The following KANK1 variants were observed in gnomAD, a reference collection of about 807,000 sequenced individuals.
KANK1 encodes KN motif and ankyrin repeat domain-containing protein 1.
A neutral mutation model predicts 106.2 loss-of-function variants in KANK1; 109 were observed. The ratio of observed to expected loss-of-function variants is 1.03; its 90% CI spans 0.88 to 1.20. The LOEUF is 1.20. Among genes scored for constraint, KANK1 ranks in the 50% most tolerant of loss-of-function variants. KANK1 has a pLI of 0.00. For synonymous variants in KANK1, 873 were observed against 652.2 expected (o/e 1.34, Z -5.16); for missense variants, 2,399 against 1,710.7 (o/e 1.40, Z -7.10).
At chr9:545,330 A>G (rs1195474502) in intron 1 of KANK1, among the ~76,000 whole-genome samples, 1 of 152,220 alleles carries the variant, frequency 6.6e-6, no homozygotes, top group Non-Finnish European at 1.5e-5. Context: ...AAGCATCTAC[A>G]GATCATTGAA....
At chr9:489,890 C>G (rs1166752855) in intron 3 of KANK1, among the ~76,000 whole-genome samples, 1 of 152,142 alleles carries the variant, frequency 6.6e-6, no homozygotes, top group Non-Finnish European at 1.5e-5. Flanking sequence ...AGATTGAATG[C>G]TGACCTTGTA....
chr9:559,668 GACAA>G (rs1815863408), intron 1 of KANK1, among the ~76,000 whole-genome samples: 1 of 152,322 alleles, frequency 6.6e-6, no homozygotes, highest in East Asian at 1.9e-4. Context: ...AGACGGAAAA[GACAA>G]ACAGATATTT....
intron 2 of KANK1, among the ~76,000 whole-genome samples, chr9:704,526 C>T (rs775184964): frequency 5.3e-5 from 8 of 152,144 alleles, no homozygotes; most frequent in Non-Finnish European, 1.0e-4. Context: ...CTTTTATTTG[C>T]CCCTATTAGT....
chr9:704,284 G>C (rs1034517279), intron 2 of KANK1, among the ~76,000 whole-genome samples: 4 of 152,116 alleles, frequency 2.6e-5, no homozygotes, highest in African/African-American at 4.8e-5. Flanking sequence ...AAATGTTATA[G>C]TAGCTCTGAT....
At chr9:583,441 A>C (rs1272959169) in intron 1 of KANK1, among the ~76,000 whole-genome samples, 1 of 152,112 alleles carries the variant, frequency 6.6e-6, no homozygotes, top group Non-Finnish European at 1.5e-5. Context: ...TTTAATCTTC[A>C]AAATAGATTA....
intron 1 of KANK1, among the ~76,000 whole-genome samples, chr9:613,934 G>A (rs929674614): frequency 3.3e-5 from 5 of 152,118 alleles, no homozygotes; most frequent in East Asian, 1.9e-4. Flanking sequence ...TCATTTCTGC[G>A]CCCTACAGGA....
chr9:588,220 C>G (rs1205307599), intron 1 of KANK1, among the ~76,000 whole-genome samples: 1 of 152,046 alleles, frequency 6.6e-6, no homozygotes, highest in Non-Finnish European at 1.5e-5. Flanking sequence ...ATGCTTATTT[C>G]TTTTTTCTAC....
chr9:673,578 G>A (rs1815727508), intron 1 of KANK1: 1 of 152,074 alleles, frequency 6.6e-6, no homozygotes, highest in Non-Finnish European at 1.5e-5. Context: ...CCTTATTTTG[G>A]TTTTATTGTT....
At chr9:602,346 C>T (rs532016528) in intron 1 of KANK1, among the ~76,000 whole-genome samples, 15 of 151,674 alleles carry the variant, frequency 9.9e-5, no homozygotes, top group South Asian at 4.2e-4. Flanking sequence ...TGCAACCTCC[C>T]GCTCCTGGGT....
chr9:655,807 G>C (rs895761517), intron 1 of KANK1, among the ~76,000 whole-genome samples: 1 of 152,146 alleles, frequency 6.6e-6, no homozygotes, highest in Non-Finnish European at 1.5e-5. Flanking sequence ...TCCCTTGATG[G>C]CTAAAACGTT....
intron 3 of KANK1, among the ~76,000 whole-genome samples, chr9:725,074 T>C (rs973590180): frequency 2.6e-5 from 4 of 152,108 alleles, no homozygotes; most frequent in African/African-American, 7.2e-5. Flanking sequence ...GTTGGAGTTG[T>C]AAAGGAATCG....
At chr9:631,466 T>G (rs1292561594) in intron 1 of KANK1, among the ~76,000 whole-genome samples, 1 of 152,156 alleles carries the variant, frequency 6.6e-6, no homozygotes, top group Non-Finnish European at 1.5e-5. Flanking sequence ...CTGAGGCTTA[T>G]CTGTACTTCC....
intron 1 of KANK1, among the ~76,000 whole-genome samples, chr9:520,597 T>C (rs2059500422): frequency 6.6e-6 from 1 of 151,826 alleles, no homozygotes; most frequent in African/African-American, 2.4e-5. Flanking sequence ...AATGGAAGAC[T>C]ATATTTAACT....
intron 1 of KANK1, among the ~76,000 whole-genome samples, chr9:613,453 A>G (rs994274958): frequency 6.6e-6 from 1 of 152,004 alleles, no homozygotes; most frequent in African/African-American, 2.4e-5. Context: ...AAACTTCTTA[A>G]AACATGAGAT....
chr9:656,786 A>C (rs183309144), intron 1 of KANK1, among the ~76,000 whole-genome samples: 60 of 152,280 alleles, frequency 3.9e-4, no homozygotes, highest in African/African-American at 1.3e-3. Context: ...GGAAAAGCTT[A>C]AGTGAGGTTT....
chr9:623,975 C>T (rs943540937), intron 1 of KANK1, among the ~76,000 whole-genome samples: 4 of 152,192 alleles, frequency 2.6e-5, no homozygotes, highest in African/African-American at 9.6e-5. Flanking sequence ...ATGGAAACAA[C>T]CCAAGTGCCA....
intron 5 of KANK1, chr9:732,132 C>T: frequency 2.7e-6 from 1 of 366,942 alleles, no homozygotes; most frequent in Non-Finnish European, 5.0e-6. Flanking sequence ...CCGGAGATGC[C>T]ATTATTTTCT....
chr9:543,559 CAA>C (rs57776331), intron 1 of KANK1, among the ~76,000 whole-genome samples: 242 of 120,412 alleles, frequency 2.0e-3, no homozygotes, highest in Middle Eastern at 4.5e-3. Flanking sequence ...AACTCTGTCT[CAA>C]AAAAAAAAAA....
At chr9:609,393 C>T (rs951063469) in intron 1 of KANK1, among the ~76,000 whole-genome samples, 4 of 152,194 alleles carry the variant, frequency 2.6e-5, no homozygotes, top group Admixed American at 6.5e-5. Flanking sequence ...TTTGGGAGGC[C>T]GAGGAGGGCG....
Sources: allele counts gnomAD v4.1 joint callset (sites outside exome capture counted in the v4.1 genomes callset), GRCh38; gene constraint gnomAD v4.1.1; transcripts MANE v1.5; gene names NCBI Gene and HGNC (gene_info 2026-07-23, HGNC 2026-07-21).